EPB41L2: variants seen among roughly 807,000 people sequenced by gnomAD.
EPB41L2 encodes the protein erythrocyte membrane protein band 4.1 like 2.
EPB41L2 carries 43 observed loss-of-function variants against 113.0 expected under a neutral mutation model. That is an observed-to-expected ratio of 0.38 (90% CI 0.30 to 0.49). The LOEUF is 0.49. EPB41L2 is among the 20% of genes least tolerant of loss of function. EPB41L2 has a pLI of 0.95. For synonymous variants in EPB41L2, 442 were observed against 436.7 expected, an observed-to-expected ratio of 1.01 and a Z score of -0.15; for missense variants, 1,147 against 1,223.4, an observed-to-expected ratio of 0.94 and a Z score of 0.93.
chr6:131,037,584 A>ATTT (rs1328285948), intron 1 of EPB41L2, among the ~76,000 whole-genome samples: 4 of 101,836 alleles, frequency 3.9e-5, no homozygotes, highest in Admixed American at 1.1e-4. Context: ...GAAAACCTAA[A>ATTT]ATTTTTTTTT....
intron 10 of EPB41L2, among the ~76,000 whole-genome samples, chr6:130,891,392 C>G (rs928864693): frequency 6.6e-6 from 1 of 151,490 alleles, no homozygotes; most frequent in African/African-American, 2.4e-5. Context: ...CTATTAAATG[C>G]TCCAAGCAAG....
chr6:130,922,237 C>T (rs746964806), intron 4 of EPB41L2, among the ~76,000 whole-genome samples: 1 of 152,156 alleles, frequency 6.6e-6, no homozygotes, highest in Non-Finnish European at 1.5e-5. Flanking sequence ...TTAGCTCATG[C>T]CCTTAAATTT....
At chr6:130,898,557 T>C (rs1440242928) in intron 8 of EPB41L2, among the ~76,000 whole-genome samples, 1 of 152,198 alleles carries the variant, frequency 6.6e-6, no homozygotes, top group Non-Finnish European at 1.5e-5. Context: ...ACTAGAACCA[T>C]GATGTAAGTG....
intron 6 of EPB41L2, 83 bp from the exon 7 acceptor site, chr6:130,901,263 C>G: frequency 8.1e-7 from 1 of 1,227,486 alleles, no homozygotes; most frequent in South Asian, 1.3e-5. Flanking sequence ...AAGCTAGTAC[C>G]CCTTTGAAAA....
intron 19 of EPB41L2, among the ~76,000 whole-genome samples, chr6:130,852,606 T>C (rs542384566): frequency 2.6e-5 from 4 of 152,316 alleles, no homozygotes; most frequent in African/African-American, 9.6e-5. Context: ...TCTGCTCCCA[T>C]CTTCCCAATG....
At chr6:131,009,516 T>C (rs1418735226) in intron 1 of EPB41L2, among the ~76,000 whole-genome samples, 1 of 152,090 alleles carries the variant, frequency 6.6e-6, no homozygotes, top group African/African-American at 2.4e-5. Context: ...CCTGTACATA[T>C]TTCACACCTG....
chr6:131,020,541 T>A (rs1463247031), intron 1 of EPB41L2, among the ~76,000 whole-genome samples: 1 of 152,210 alleles, frequency 6.6e-6, no homozygotes, highest in Non-Finnish European at 1.5e-5. Flanking sequence ...GATATTCCCA[T>A]CACTGGAGTT....
intron 1 of EPB41L2, among the ~76,000 whole-genome samples, chr6:130,965,651 AAAAAAAAAAAGAAAG>A (rs1482262869): frequency 6.6e-6 from 1 of 151,798 alleles, no homozygotes; most frequent in Non-Finnish European, 1.5e-5. Context: ...TATCAAAAAA[AAAAAAAAAAAGAAAG>A]AAAGAAACAC....
At chr6:131,035,351 TTCCAAAGAAACTTCA>T (rs1793082090) in intron 1 of EPB41L2, among the ~76,000 whole-genome samples, 1 of 152,194 alleles carries the variant, frequency 6.6e-6, no homozygotes, top group Non-Finnish European at 1.5e-5. Context: ...GTCCATATCA[TTCCAAAGAAACTTCA>T]ATCACCTCCA....
chr6:130,963,533 G>A (rs568592996), intron 1 of EPB41L2, among the ~76,000 whole-genome samples: 28 of 152,174 alleles, frequency 1.8e-4, no homozygotes, highest in Middle Eastern at 6.8e-3. Flanking sequence ...GTTGGAGACA[G>A]GGGTATATGA....
intron 1 of EPB41L2, among the ~76,000 whole-genome samples, chr6:130,966,920 A>G (rs1562616610): frequency 6.6e-6 from 1 of 152,152 alleles, no homozygotes; most frequent in Admixed American, 6.5e-5. Context: ...GACTGTTTCT[A>G]TATCCTCAAA....
At chr6:130,997,640 G>C (rs919045441) in intron 1 of EPB41L2, among the ~76,000 whole-genome samples, 1 of 152,160 alleles carries the variant, frequency 6.6e-6, no homozygotes, top group African/African-American at 2.4e-5. Context: ...GTGTTTTTCA[G>C]GACTGCAAAA....
intron 11 of EPB41L2, among the ~76,000 whole-genome samples, chr6:130,887,829 G>C (rs1791538113): frequency 6.6e-6 from 1 of 151,890 alleles, no homozygotes; most frequent in African/African-American, 2.4e-5. Flanking sequence ...AAATCACTTG[G>C]TTCCTCAACC....
intron 6 of EPB41L2, among the ~76,000 whole-genome samples, chr6:130,901,811 C>T (rs977350934): frequency 6.6e-4 from 100 of 152,268 alleles, no homozygotes; most frequent in African/African-American, 2.3e-3. Flanking sequence ...CTATAAGACG[C>T]TAAGAACTCT....
intron 1 of EPB41L2, among the ~76,000 whole-genome samples, chr6:130,957,771 A>G (rs1211814161): frequency 1.3e-5 from 2 of 152,208 alleles, no homozygotes; most frequent in African/African-American, 2.4e-5. Context: ...ACAGTTAGTG[A>G]TTTTGAGTAT....
At chr6:131,012,385 T>C (rs374729189) in intron 1 of EPB41L2, among the ~76,000 whole-genome samples, 2 of 148,350 alleles carry the variant, frequency 1.3e-5, no homozygotes, top group Non-Finnish European at 3.0e-5. Flanking sequence ...AACTGTAGGA[T>C]GTTTAGCAGC....
intron 1 of EPB41L2, among the ~76,000 whole-genome samples, chr6:131,019,962 G>C (rs1221875470): frequency 6.6e-6 from 1 of 151,982 alleles, no homozygotes; most frequent in African/African-American, 2.4e-5. Context: ...CATAGTCTAG[G>C]TCCAACAACC....
chr6:130,976,074 G>A (rs1047353300), intron 1 of EPB41L2, among the ~76,000 whole-genome samples: 1 of 151,956 alleles, frequency 6.6e-6, no homozygotes, highest in Non-Finnish European at 1.5e-5. Flanking sequence ...TATTCTGATT[G>A]TACAGGGAAT....
intron 1 of EPB41L2, among the ~76,000 whole-genome samples, chr6:131,020,130 T>C (rs907051480): frequency 9.2e-5 from 14 of 152,152 alleles, no homozygotes; most frequent in African/African-American, 3.4e-4. Flanking sequence ...AGATGGTAAA[T>C]ATTTTTCTCT....
Sources: gnomAD v4.1 joint callset for allele counts (sites outside exome capture counted in the v4.1 genomes callset) on GRCh38, gnomAD v4.1.1 for gene constraint, MANE v1.5 for transcripts, NCBI Gene and HGNC (gene_info 2026-07-23, HGNC 2026-07-21) for gene names.